The following CERS6 variants were observed in gnomAD, a reference collection of about 807,000 sequenced individuals.
The protein encoded by CERS6 is LAG1 homolog, ceramide synthase 6.
Under a neutral mutation model 56.8 loss-of-function variants are expected in CERS6, and 26 were observed. The observed-to-expected ratio is 0.46, with a 90% CI of 0.34 to 0.63. CERS6 has a LOEUF of 0.63. CERS6 is among the 30% of genes least tolerant of loss of function. The pLI is 0.01. For synonymous variants in CERS6, 164 were observed against 173.3 expected, an observed-to-expected ratio of 0.95 and a Z score of 0.42; for missense variants, 415 against 467.5, an observed-to-expected ratio of 0.89 and a Z score of 1.04.
intron 4 of CERS6, among the ~76,000 whole-genome samples, chr2:168,644,593 C>T (rs1298355610): frequency 1.3e-5 from 2 of 152,142 alleles, no homozygotes; most frequent in African/African-American, 4.8e-5. Flanking sequence ...CTTGTTGTCC[C>T]TGGCATTGGT....
chr2:168,764,231 C>T (rs12472650), intron 8 of CERS6, among the ~76,000 whole-genome samples: 14,259 of 152,160 alleles, frequency 0.094, 739 homozygotes, highest in Middle Eastern at 0.12. Context: ...CAAGCCCCAC[C>T]TCCCAGGTTC....
intron 1 of CERS6, among the ~76,000 whole-genome samples, chr2:168,543,398 C>T (rs78868945): frequency 6.6e-6 from 1 of 152,064 alleles, no homozygotes; most frequent in Non-Finnish European, 1.5e-5. Flanking sequence ...CTATCTCTGA[C>T]TCTATCTCTT....
intron 4 of CERS6, among the ~76,000 whole-genome samples, chr2:168,679,425 G>A (rs530730246): frequency 1.3e-5 from 2 of 152,056 alleles, no homozygotes; most frequent in Non-Finnish European, 2.9e-5. Context: ...ACATCAAATT[G>A]TACTCCATAA....
chr2:168,672,658 A>G lies in CERS6; in HGVS notation c.466-18376A>G, dbSNP rs149161450. 1.5e-4 allele frequency among the ~76,000 whole-genome samples: 23 copies of G among 152,322 alleles called. No homozygotes were observed. In the East Asian group the frequency reaches 4.2e-3, roughly 28 times the overall value. On this transcript the variant is annotated intron_variant, in intron 4 of 9. Transcript: ENST00000305747. ...CTATATCATCCTAGTTTCATTAATCACCAAGGCTTTCTGTCTCATTGTTTT... is the reference window on the plus strand; with the variant it reads ...CTATATCATCCTAGTTTCATTAATCGCCAAGGCTTTCTGTCTCATTGTTTT...
At chr2:168,596,170 T>G (rs925956823) in intron 3 of CERS6, among the ~76,000 whole-genome samples, 1 of 152,150 alleles carries the variant, frequency 6.6e-6, no homozygotes, top group African/African-American at 2.4e-5. Context: ...ATCTGGCTAG[T>G]AGACTTGGAT....
At chr2:168,650,285 A>G (rs956212988) in intron 4 of CERS6, among the ~76,000 whole-genome samples, 14 of 152,142 alleles carry the variant, frequency 9.2e-5, no homozygotes, top group African/African-American at 3.4e-4. Context: ...GAGGGGAAGG[A>G]CAGGAATCAC....
rs1348038765 is a variant in CERS6, at chr2:168,774,792, A to G, written c.*5130A>G. 2 of 152,190 alleles carry G rather than the reference A, an allele frequency of 1.3e-5. No homozygotes were observed. Among genetic ancestry groups the G allele is most frequent in the Non-Finnish European group, 1.5e-5 (1 of 68,028 alleles). 9.4% of individuals were successfully genotyped at this position (152,190 alleles called of 1,614,324 possible). The stretch of plus-strand genomic sequence containing the variant: ...TAAAGCCCCTAAGCTCATGATTTTC[A>G]TCAACTCTTTGCCCACATAGTCATT... On this transcript the variant is annotated 3_prime_UTR_variant, in exon 10 of 10. Coordinates refer to ENST00000305747, the MANE Select transcript of CERS6 (RefSeq NM_203463.3).
intron 1 of CERS6, among the ~76,000 whole-genome samples, chr2:168,544,666 G>C (rs1234006880): frequency 6.6e-6 from 1 of 152,190 alleles, no homozygotes; most frequent in African/African-American, 2.4e-5. Context: ...TGGACTCACT[G>C]TGGACCGGCA....
chr2:168,708,832 A>T (rs1302711173), intron 6 of CERS6, among the ~76,000 whole-genome samples: 1 of 152,138 alleles, frequency 6.6e-6, no homozygotes, highest in Non-Finnish European at 1.5e-5. Flanking sequence ...AGTTGCAAAA[A>T]TTATTCCCAG....
intron 7 of CERS6, among the ~76,000 whole-genome samples, chr2:168,715,402 C>A (rs1687203187): frequency 6.6e-6 from 1 of 152,040 alleles, no homozygotes; most frequent in African/African-American, 2.4e-5. Flanking sequence ...AAAGGAAAAT[C>A]ATTATTTGAT....
At chr2:168,710,481 G>C (rs4667587) in intron 6 of CERS6, among the ~76,000 whole-genome samples, 2 of 152,150 alleles carry the variant, frequency 1.3e-5, no homozygotes, top group African/African-American at 4.8e-5. Context: ...ATTAAGCAGT[G>C]TGTGTTTTCA....
intron 1 of CERS6, among the ~76,000 whole-genome samples, chr2:168,479,563 G>A (rs1172670229): frequency 6.6e-6 from 1 of 152,114 alleles, no homozygotes; most frequent in African/African-American, 2.4e-5. Context: ...TGAGTGTTGC[G>A]ATCACTTGTG....
At chr2:168,644,307 G>C in intron 4 of CERS6, 6 of 985,028 alleles carry the variant, frequency 6.1e-6, no homozygotes, top group Non-Finnish European at 7.2e-6. Flanking sequence ...AGGTGAAGGG[G>C]AATAATAGAA....
chr2:168,733,932 G>T (rs1479257080), intron 8 of CERS6, among the ~76,000 whole-genome samples: 2 of 152,068 alleles, frequency 1.3e-5, no homozygotes, highest in Non-Finnish European at 2.9e-5. Flanking sequence ...AAAATGGAGG[G>T]GTCAGCAGTA....
At chr2:168,524,369 G>A (rs1326705646) in intron 1 of CERS6, among the ~76,000 whole-genome samples, 2 of 152,174 alleles carry the variant, frequency 1.3e-5, no homozygotes, top group African/African-American at 2.4e-5. Flanking sequence ...TTGCTATATA[G>A]GAAGAAATTA....
Position 168,526,678 on chromosome 2 carries a change from G to A in CERS6, c.171-20918G>A, listed in dbSNP as rs1695077622. Reference sequence around the variant, plus strand: ...GAACCTATGACAGCTTGCCTTTAAAGCTGTTTAGCTGCTTTTTATACAATG... The same window carrying A: ...GAACCTATGACAGCTTGCCTTTAAAACTGTTTAGCTGCTTTTTATACAATG... On this transcript the variant is annotated intron_variant, in intron 1 of 9. Coordinates refer to ENST00000305747, the MANE Select transcript of CERS6 (RefSeq NM_203463.3). Among the ~76,000 whole-genome samples the A allele has an allele frequency of 4.6e-5, 7 of 152,202 alleles. No homozygotes were observed. In the South Asian group the frequency reaches 1.4e-3, roughly 31 times the overall value.
At chr2:168,644,981 A>G (rs1179568781) in intron 4 of CERS6, among the ~76,000 whole-genome samples, 4 of 148,700 alleles carry the variant, frequency 2.7e-5, no homozygotes, top group Non-Finnish European at 5.9e-5. Context: ...AATCCCAGCT[A>G]CTCAGGAGGC....
intron 4 of CERS6, among the ~76,000 whole-genome samples, chr2:168,646,291 G>A (rs537427067): frequency 3.3e-5 from 5 of 152,226 alleles, no homozygotes; most frequent in African/African-American, 9.6e-5. Flanking sequence ...CTAACCATCA[G>A]CAATATTGAG....
At chr2:168,630,316 ACACACACACACG>A (rs1213628768) in intron 3 of CERS6, among the ~76,000 whole-genome samples, 2 of 140,138 alleles carry the variant, frequency 1.4e-5, no homozygotes, top group South Asian at 5.3e-4. Flanking sequence ...ACACACACAC[ACACACACACACG>A]CACACATCTT....
Sources: gnomAD v4.1 joint callset for allele counts (sites outside exome capture counted in the v4.1 genomes callset) on GRCh38, gnomAD v4.1.1 for gene constraint, MANE v1.5 for transcripts, NCBI Gene and HGNC (gene_info 2026-07-23, HGNC 2026-07-21) for gene names.